MAP2K5: variants seen among roughly 807,000 people sequenced by gnomAD.
The protein encoded by MAP2K5 is dual specificity mitogen-activated protein kinase kinase 5.
A neutral mutation model predicts 83.1 loss-of-function variants in MAP2K5; 49 were observed. The observed-to-expected ratio is 0.59, with a 90% confidence interval of 0.47 to 0.75. MAP2K5 has a LOEUF of 0.75. Among genes scored for constraint, MAP2K5 ranks in the 30% least tolerant of loss-of-function variants. The probability of loss-of-function intolerance (pLI) is 0.00; values close to 1 mark genes in which losing one functional copy is unlikely to be tolerated. For synonymous variants in MAP2K5, 202 were observed against 191.8 expected (o/e 1.05, Z -0.44); for missense variants, 457 against 557.5 (o/e 0.82, Z 1.82).
At chr15:67,743,900 T>C (rs2089547815) in intron 17 of MAP2K5, among the ~76,000 whole-genome samples, 2 of 152,300 alleles carry the variant, frequency 1.3e-5, no homozygotes, top group South Asian at 4.1e-4. Flanking sequence ...GGAGGGGGCT[T>C]CTGGGGACCA....
intron 6 of MAP2K5, among the ~76,000 whole-genome samples, chr15:67,588,850 C>T (rs554354123): frequency 6.6e-6 from 1 of 152,290 alleles, no homozygotes; most frequent in Non-Finnish European, 1.5e-5. Flanking sequence ...GGATCTCCCT[C>T]TGTTGTCCAA....
At chr15:67,651,340 T>C (rs192157884) in intron 11 of MAP2K5, among the ~76,000 whole-genome samples, 1 of 152,348 alleles carries the variant, frequency 6.6e-6, no homozygotes, top group East Asian at 1.9e-4. Context: ...AATGGAGATA[T>C]GTATGACCAC....
intron 17 of MAP2K5, among the ~76,000 whole-genome samples, chr15:67,737,500 A>C (rs2089368806): frequency 6.6e-6 from 1 of 152,222 alleles, no homozygotes; most frequent in Non-Finnish European, 1.5e-5. Flanking sequence ...TAAAATGTTA[A>C]TGATGCTAAG....
At chr15:67,686,819 T>G (rs1202274149) in intron 13 of MAP2K5, among the ~76,000 whole-genome samples, 1 of 152,064 alleles carries the variant, frequency 6.6e-6, no homozygotes, top group Non-Finnish European at 1.5e-5. Flanking sequence ...GCTTAAAAAC[T>G]TTAAAGTTTA....
At position 67,755,975 on chromosome 15, in the gene MAP2K5, C is replaced by T. The variant is rs543124622; in HGVS notation, c.1134+7374C>T. Among the ~76,000 whole-genome samples the T allele has an allele frequency of 2.0e-5, 3 of 152,292 alleles. No individual in the cohort carries two copies. In the East Asian group the frequency reaches 5.8e-4, roughly 29 times the overall value. On this transcript the variant is annotated intron_variant, in intron 19 of 21. Coordinates refer to ENST00000178640, the MANE Select transcript of MAP2K5 (RefSeq NM_145160.3). This position sits in a 1 kb window ranked among gnomAD's most constrained non-coding sequence, Gnocchi z 4.7. ...TCCACCCTCTTTCCATTGTCCTCCCCACATCCTCACTGTGGCATTCCCGTT... is the reference window on the plus strand; with the variant it reads ...TCCACCCTCTTTCCATTGTCCTCCCTACATCCTCACTGTGGCATTCCCGTT...
chr15:67,741,422 A>G (rs560066023), intron 17 of MAP2K5, among the ~76,000 whole-genome samples: 1 of 152,294 alleles, frequency 6.6e-6, no homozygotes, highest in Non-Finnish European at 1.5e-5. Context: ...TTCACAGACC[A>G]AGAATGGTTA....
At chr15:67,741,958 G>A (rs903342209) in intron 17 of MAP2K5, among the ~76,000 whole-genome samples, 2 of 150,946 alleles carry the variant, frequency 1.3e-5, no homozygotes, top group Non-Finnish European at 1.5e-5. Flanking sequence ...GCAGTGGCAC[G>A]ATCTCAGCTC....
At chr15:67,583,894 G>A (rs1190676648) in intron 4 of MAP2K5, among the ~76,000 whole-genome samples, 1 of 152,010 alleles carries the variant, frequency 6.6e-6, no homozygotes, top group East Asian at 1.9e-4. Context: ...CTACAGGCAT[G>A]TGCCACCACG....
At chr15:67,632,488 A>G (rs189971340) in intron 9 of MAP2K5, among the ~76,000 whole-genome samples, 3 of 152,236 alleles carry the variant, frequency 2.0e-5, no homozygotes, top group Non-Finnish European at 4.4e-5. Context: ...AAACTCAGAA[A>G]GCTGAATTGT....
intron 6 of MAP2K5, among the ~76,000 whole-genome samples, chr15:67,591,515 G>A (rs531932692): frequency 3.2e-4 from 49 of 151,116 alleles, no homozygotes; most frequent in Non-Finnish European, 4.7e-4. Context: ...GACTACAGGC[G>A]CCGGCCACCA....
chr15:67,667,322 T>C (rs1347939775), intron 13 of MAP2K5, among the ~76,000 whole-genome samples: 1 of 152,228 alleles, frequency 6.6e-6, no homozygotes, highest in African/African-American at 2.4e-5. Context: ...GCTAAGGCAA[T>C]TAAATAGGTA....
In MAP2K5 at chr15:67,698,009, GAA is replaced by G. The variant is rs2088309773; in HGVS notation, c.972+4442_972+4443del. 6.6e-6 allele frequency among the ~76,000 whole-genome samples: 1 copy of G among 152,158 alleles called. No individual in the cohort carries two copies. The highest frequency in any genetic ancestry group is 1.5e-5 in the Non-Finnish European group (1 of 68,018). Reference sequence around the variant, plus strand: ...TGAGGAGACTGAGACCTGGAAAAGTGAAGTGTCATGCTCAAGGAAATACTGTT... The same window carrying G: ...TGAGGAGACTGAGACCTGGAAAAGTGGTGTCATGCTCAAGGAAATACTGTT... On this transcript the variant is annotated intron_variant, in intron 15 of 21. Transcript: ENST00000178640. This position sits in a 1 kb window ranked among gnomAD's most constrained non-coding sequence, Gnocchi z 4.5.
At chr15:67,609,348 C>G (rs1039020790) in intron 8 of MAP2K5, among the ~76,000 whole-genome samples, 2 of 151,706 alleles carry the variant, frequency 1.3e-5, no homozygotes, top group Admixed American at 6.6e-5. Flanking sequence ...AAACAATAAT[C>G]AAGACAATAA....
At chr15:67,643,039 A>G (rs190617045) in intron 9 of MAP2K5, among the ~76,000 whole-genome samples, 2 of 152,300 alleles carry the variant, frequency 1.3e-5, no homozygotes, top group East Asian at 3.9e-4. Context: ...TTTACAAAAT[A>G]ACAAAGATGT....
At chr15:67,679,388 T>TG (rs1045625915) in intron 13 of MAP2K5, among the ~76,000 whole-genome samples, 8 of 151,938 alleles carry the variant, frequency 5.3e-5, no homozygotes, top group Non-Finnish European at 8.8e-5. Flanking sequence ...GCCAATTCAG[T>TG]GGGGGGAAAA....
At chr15:67,799,129 A>T (rs937084053) in intron 21 of MAP2K5, among the ~76,000 whole-genome samples, 3 of 152,286 alleles carry the variant, frequency 2.0e-5, no homozygotes, top group African/African-American at 7.2e-5. Flanking sequence ...AGATCGCGCC[A>T]CTGCCCTCCA....
In MAP2K5 at chr15:67,664,524, G is replaced by A. The variant is rs2087323518; in HGVS notation, c.799-73G>A. 1.5e-5 allele frequency: 14 copies of A among 929,440 alleles called. 1 individual carries two copies. The South Asian group carries it at 1.9e-4, about 12-fold the overall frequency. The allele number at this position is 929,440 out of a possible 1,614,324, so 57.6% of individuals were successfully genotyped here. ...TCTCAAAAAAAAAAAAATGTTGAATGTATTTAAATATGGAAAGTTCCTTTT... is the reference window on the plus strand; with the variant it reads ...TCTCAAAAAAAAAAAAATGTTGAATATATTTAAATATGGAAAGTTCCTTTT... On this transcript the variant is annotated intron_variant, in intron 12 of 21. Transcript: ENST00000178640.
intron 15 of MAP2K5, 56 bp downstream of exon 15, chr15:67,693,624 C>G: frequency 2.4e-6 from 3 of 1,260,132 alleles, no homozygotes; most frequent in Non-Finnish European, 3.5e-6. Context: ...TCTTTATGTA[C>G]TTGGTAATGT....
chr15:67,759,640 A>G (rs1297971785), intron 19 of MAP2K5, among the ~76,000 whole-genome samples: 1 of 152,170 alleles, frequency 6.6e-6, no homozygotes, highest in African/African-American at 2.4e-5. Flanking sequence ...TTTACCTTAG[A>G]GACTTTACCA....
Sources: gnomAD v4.1 joint callset for allele counts (sites outside exome capture counted in the v4.1 genomes callset) on GRCh38, gnomAD v4.1.1 for gene constraint, Gnocchi (gnomAD v3.1) non-coding constraint, MANE v1.5 for transcripts, NCBI Gene and HGNC (gene_info 2026-07-23, HGNC 2026-07-21) for gene names.